The following NRG1 variants were observed in gnomAD, a reference collection of about 807,000 sequenced individuals.
NRG1 encodes pro-neuregulin-1, membrane-bound isoform.
NRG1 carries 18 observed loss-of-function variants against 63.8 expected under a neutral mutation model. The observed-to-expected ratio is 0.28, with a 90% CI of 0.19 to 0.42. NRG1 has a LOEUF of 0.42. NRG1 is among the 10% of genes least tolerant of loss of function. The pLI is 1.00. For synonymous variants in NRG1, 302 were observed against 301.3 expected (o/e 1.00, Z -0.02); for missense variants, 762 against 814.7 (o/e 0.94, Z 0.79).
chr8:31,918,801 G>A (rs1308522979), intron 1 of NRG1, among the ~76,000 whole-genome samples: 1 of 150,594 alleles, frequency 6.6e-6, no homozygotes, highest in African/African-American at 2.4e-5. Flanking sequence ...TTGTACCTCT[G>A]GTAGAATTCG....
intron 1 of NRG1, among the ~76,000 whole-genome samples, chr8:32,024,392 C>A (rs1287610317): frequency 6.6e-6 from 1 of 152,124 alleles, no homozygotes; most frequent in Non-Finnish European, 1.5e-5. Context: ...TGGGAAACCA[C>A]GTAGCATGCA....
At chr8:31,931,752 C>G (rs1176540656) in intron 1 of NRG1, among the ~76,000 whole-genome samples, 1 of 152,192 alleles carries the variant, frequency 6.6e-6, no homozygotes, top group Admixed American at 6.5e-5. Context: ...CATGTGGGCT[C>G]TCTTCCTACT....
intron 1 of NRG1, among the ~76,000 whole-genome samples, chr8:31,877,887 A>G (rs1433407621): frequency 6.6e-6 from 1 of 152,230 alleles, no homozygotes; most frequent in East Asian, 1.9e-4. Flanking sequence ...ATTTTGATGT[A>G]GGTTAGAGAC....
chr8:32,348,577 A>G (rs777813942), intron 1 of NRG1, among the ~76,000 whole-genome samples: 2 of 152,190 alleles, frequency 1.3e-5, no homozygotes, highest in South Asian at 2.1e-4. Context: ...GTCAAATAAC[A>G]TAAAGAAAAA....
intron 1 of NRG1, among the ~76,000 whole-genome samples, chr8:32,300,625 C>A (rs1855476661): frequency 6.6e-6 from 1 of 152,116 alleles, no homozygotes; most frequent in Non-Finnish European, 1.5e-5. Context: ...TAAAGAATGC[C>A]ATTAAGTTGT....
intron 1 of NRG1, among the ~76,000 whole-genome samples, chr8:32,489,289 G>A (rs960873068): frequency 6.6e-6 from 1 of 152,176 alleles, no homozygotes; most frequent in African/African-American, 2.4e-5. Flanking sequence ...TCATGTACCA[G>A]TTAAACTCTG....
At chr8:32,606,570 C>T (rs1260628745) in intron 3 of NRG1, among the ~76,000 whole-genome samples, 2 of 152,116 alleles carry the variant, frequency 1.3e-5, no homozygotes, top group African/African-American at 4.8e-5. Flanking sequence ...TTGATGGAAT[C>T]ATCTATAGGA....
At chr8:32,415,082 G>A (rs998686681) in intron 1 of NRG1, among the ~76,000 whole-genome samples, 4 of 152,116 alleles carry the variant, frequency 2.6e-5, no homozygotes, top group African/African-American at 4.8e-5. Context: ...TCTATTTTCT[G>A]TAGTGTATTT....
At chr8:31,914,533 T>C (rs1833220568) in intron 1 of NRG1, among the ~76,000 whole-genome samples, 1 of 152,138 alleles carries the variant, frequency 6.6e-6, no homozygotes, top group Admixed American at 6.6e-5. Context: ...GTCTATGCTG[T>C]ACTGCAATTT....
chr8:32,203,188 C>CTTT (rs11311144), intron 1 of NRG1, among the ~76,000 whole-genome samples: 3 of 61,470 alleles, frequency 4.9e-5, no homozygotes, highest in Non-Finnish European at 6.2e-5. Flanking sequence ...AGCAAGCCAG[C>CTTT]TTTTTTTTTT....
intron 5 of NRG1, among the ~76,000 whole-genome samples, chr8:32,690,878 A>C (rs1024942298): frequency 1.3e-5 from 2 of 151,730 alleles, no homozygotes; most frequent in East Asian, 1.9e-4. Context: ...TCTGGCTGCT[A>C]TCTAAGGAAT....
chr8:32,513,953 A>C (rs1420148074), intron 1 of NRG1, among the ~76,000 whole-genome samples: 1 of 152,184 alleles, frequency 6.6e-6, no homozygotes, highest in Non-Finnish European at 1.5e-5. Flanking sequence ...ACAGTATTTT[A>C]ATGCTCAAGG....
chr8:32,517,116 G>A (rs1033663386), intron 1 of NRG1, among the ~76,000 whole-genome samples: 1 of 152,040 alleles, frequency 6.6e-6, no homozygotes, highest in Non-Finnish European at 1.5e-5. Flanking sequence ...ACCTATTTGG[G>A]GCTTATTTTA....
In NRG1 at chr8:32,275,628, G is replaced by T. The variant is rs377329838; in HGVS notation, c.38-320200G>T. Among the ~76,000 whole-genome samples, 64 of 152,272 alleles carry T rather than the reference G, an allele frequency of 4.2e-4. 2 individuals are homozygous for T. The East Asian group carries it at 6.2e-3, about 15-fold the overall frequency. ...GCCCCAATTAACTACAGGAGGGTGAGCAAGGAGAGAGTAGAGGGAGTTGAG... is the reference window on the plus strand; with the variant it reads ...GCCCCAATTAACTACAGGAGGGTGATCAAGGAGAGAGTAGAGGGAGTTGAG... On this transcript the variant is annotated intron_variant, in intron 1 of 10. Transcript: ENST00000519301.
intron 1 of NRG1, among the ~76,000 whole-genome samples, chr8:32,313,148 C>A (rs1857009893): frequency 6.6e-6 from 1 of 152,170 alleles, no homozygotes; most frequent in East Asian, 1.9e-4. Context: ...GAGTGAGATT[C>A]CGTCATATAT....
chr8:32,281,396 T>G (rs915516745), intron 1 of NRG1, among the ~76,000 whole-genome samples: 2 of 151,830 alleles, frequency 1.3e-5, no homozygotes, highest in Admixed American at 1.3e-4. Flanking sequence ...CAGGCTGGTC[T>G]CGAACTCCTG....
chr8:32,349,296 C>T (rs1805295171), intron 1 of NRG1, among the ~76,000 whole-genome samples: 1 of 152,182 alleles, frequency 6.6e-6, no homozygotes, highest in Non-Finnish European at 1.5e-5. Flanking sequence ...ATGAAAATTT[C>T]AAATCTTCCC....
chr8:32,592,834 G>A (rs1242351036), intron 1 of NRG1, among the ~76,000 whole-genome samples: 1 of 152,120 alleles, frequency 6.6e-6, no homozygotes, highest in African/African-American at 2.4e-5. Flanking sequence ...CCAATCCCCT[G>A]TGTGGCCAAA....
chr8:31,980,318 C>T (rs569666084), intron 1 of NRG1, among the ~76,000 whole-genome samples: 17 of 151,908 alleles, frequency 1.1e-4, no homozygotes, highest in Middle Eastern at 3.2e-3. Context: ...TGCAACTAAC[C>T]GTCCTTTGAA....
Sources: gnomAD v4.1 joint callset for allele counts (sites outside exome capture counted in the v4.1 genomes callset) on GRCh38, gnomAD v4.1.1 for gene constraint, MANE v1.5 for transcripts, NCBI Gene and HGNC (gene_info 2026-07-23, HGNC 2026-07-21) for gene names.